Variants in HS3ST2 observed in about 807,000 individuals in gnomAD.
The protein encoded by HS3ST2 is heparan sulfate-glucosamine 3-sulfotransferase 2.
Under a neutral mutation model 26.3 loss-of-function variants are expected in HS3ST2, and 17 were observed. That is an observed-to-expected ratio of 0.65 (90% CI 0.44 to 0.97). The LOEUF (loss-of-function observed/expected upper bound fraction) is 0.97. HS3ST2 is among the 50% of genes least tolerant of loss of function. The probability of loss-of-function intolerance (pLI) is 0.00; values close to 1 mark genes in which losing one functional copy is unlikely to be tolerated. For synonymous variants in HS3ST2, 237 were observed against 219.2 expected, an observed-to-expected ratio of 1.08 and a Z score of -0.72; for missense variants, 402 against 501.2, an observed-to-expected ratio of 0.80 and a Z score of 1.89.
intron 1 of HS3ST2, among the ~76,000 whole-genome samples, chr16:22,892,029 C>T (rs1036238843): frequency 1.2e-4 from 18 of 150,618 alleles, no homozygotes; most frequent in African/African-American, 4.4e-4. Context: ...AATCCCAGCA[C>T]TTTGGGAGGC....
chr16:22,820,173 C>T (rs777381248), intron 1 of HS3ST2, among the ~76,000 whole-genome samples: 2 of 152,166 alleles, frequency 1.3e-5, no homozygotes, highest in African/African-American at 2.4e-5. Context: ...CCATAAACCC[C>T]CCCCCATTTG....
At position 22,814,864 on chromosome 16, in the gene HS3ST2, C is replaced by A; in HGVS notation, c.254C>A (p.Ala85Asp). ...PSGPTPSEPS[A>D]PSAPAAAVPA... Reference sequence around the variant, plus strand: ...GGGCCGACGCCCAGCGAGCCCAGCGCTCCCAGCGCGCCCGCCGCCGCCGTG... The same window carrying A: ...GGGCCGACGCCCAGCGAGCCCAGCGATCCCAGCGCGCCCGCCGCCGCCGTG... Residue 85 changes from alanine to aspartate, a missense_variant, in exon 1 of 2, where the codon GCT (alanine) becomes GAT (aspartate). Physicochemically the swap from Ala to Asp is moderately radical, Grantham distance 126. Transcript: ENST00000261374. The A allele has an allele frequency of 6.4e-7, 1 of 1,560,064 alleles. No homozygotes were observed. The highest frequency in any genetic ancestry group is 1.4e-5 in the African/African-American group (1 of 73,538).
chr16:22,853,304 G>A (rs938759854), intron 1 of HS3ST2, among the ~76,000 whole-genome samples: 3 of 152,188 alleles, frequency 2.0e-5, no homozygotes, highest in African/African-American at 7.2e-5. Flanking sequence ...CATCTTACAA[G>A]ATATGCACAT....
chr16:22,886,122 C>T (rs1279155527), intron 1 of HS3ST2, among the ~76,000 whole-genome samples: 1 of 152,170 alleles, frequency 6.6e-6, no homozygotes, highest in Non-Finnish European at 1.5e-5. Context: ...CCTCTCCAAG[C>T]AGCTACGGAT....
At chr16:22,842,346 G>A (rs1186144834) in intron 1 of HS3ST2, among the ~76,000 whole-genome samples, 1 of 151,672 alleles carries the variant, frequency 6.6e-6, no homozygotes, top group African/African-American at 2.4e-5. Flanking sequence ...TGCAGGTGTG[G>A]GCCACTGTGT....
At chr16:22,882,915 C>T (rs1902009632) in intron 1 of HS3ST2, among the ~76,000 whole-genome samples, 1 of 151,002 alleles carries the variant, frequency 6.6e-6, no homozygotes, top group South Asian at 2.1e-4. Context: ...CCTATAGTCC[C>T]AGCTACTTGA....
At chr16:22,869,493 C>T (rs1901802138) in intron 1 of HS3ST2, among the ~76,000 whole-genome samples, 3 of 152,224 alleles carry the variant, frequency 2.0e-5, no homozygotes, top group African/African-American at 4.8e-5. Flanking sequence ...AATTTACAAA[C>T]GAAAGAGGTT....
intron 1 of HS3ST2, among the ~76,000 whole-genome samples, chr16:22,872,613 C>T (rs1242519545): frequency 6.6e-6 from 1 of 152,094 alleles, no homozygotes; most frequent in African/African-American, 2.4e-5. Flanking sequence ...CCCCACCAGC[C>T]CCACCCAGCC....
chr16:22,820,532 A>G (rs958127330), intron 1 of HS3ST2, among the ~76,000 whole-genome samples: 1 of 152,270 alleles, frequency 6.6e-6, no homozygotes. Flanking sequence ...CATGTTTTAC[A>G]TGGCAGCAGG....
intron 1 of HS3ST2, among the ~76,000 whole-genome samples, chr16:22,871,229 G>A (rs1452385170): frequency 5.3e-5 from 8 of 152,062 alleles, no homozygotes; most frequent in African/African-American, 1.4e-4. Context: ...GATGGTGCAC[G>A]CCTGCAGTCC....
At chr16:22,869,744 T>C (rs1901806742) in intron 1 of HS3ST2, among the ~76,000 whole-genome samples, 1 of 152,182 alleles carries the variant, frequency 6.6e-6, no homozygotes, top group Non-Finnish European at 1.5e-5. Context: ...CATGTGGGAA[T>C]TGTGGGAGTT....
At chr16:22,851,966 C>T (rs1383636548) in intron 1 of HS3ST2, among the ~76,000 whole-genome samples, 1 of 152,184 alleles carries the variant, frequency 6.6e-6, no homozygotes, top group African/African-American at 2.4e-5. Context: ...ATGAGAGACA[C>T]GTGGAGCAGG....
At chr16:22,855,844 C>A (rs1901586648) in intron 1 of HS3ST2, among the ~76,000 whole-genome samples, 1 of 152,104 alleles carries the variant, frequency 6.6e-6, no homozygotes. Context: ...TTTCTCCCAG[C>A]ATTCCCAGAA....
intron 1 of HS3ST2, among the ~76,000 whole-genome samples, chr16:22,842,070 T>TC: frequency 6.8e-6 from 1 of 147,386 alleles, no homozygotes; most frequent in East Asian, 1.9e-4. Flanking sequence ...TTCTTTTTTT[T>TC]TTTTTTTTTT....
At chr16:22,894,635 C>T (rs187367838) in intron 1 of HS3ST2, among the ~76,000 whole-genome samples, 128 of 152,070 alleles carry the variant, frequency 8.4e-4, no homozygotes, top group African/African-American at 2.9e-3. Flanking sequence ...CAGTGACTCA[C>T]GCCTGCAATC....
At chr16:22,909,513 G>A (rs1902394865) in intron 1 of HS3ST2, among the ~76,000 whole-genome samples, 1 of 152,162 alleles carries the variant, frequency 6.6e-6, no homozygotes, top group Non-Finnish European at 1.5e-5. Flanking sequence ...CACAGGGCAT[G>A]GGAAGGTATA....
chr16:22,876,973 T>TG (rs1567494459), intron 1 of HS3ST2, among the ~76,000 whole-genome samples: 1 of 151,966 alleles, frequency 6.6e-6, no homozygotes, highest in Non-Finnish European at 1.5e-5. Context: ...TTTGGGAACT[T>TG]GGGGGGAAGG....
intron 1 of HS3ST2, among the ~76,000 whole-genome samples, chr16:22,824,413 G>A (rs934884748): frequency 6.6e-6 from 1 of 152,152 alleles, no homozygotes; most frequent in Non-Finnish European, 1.5e-5. Flanking sequence ...CGGGCGTGGT[G>A]GCAGGCACCT....
chr16:22,908,234 A>G (rs1270197110), intron 1 of HS3ST2, among the ~76,000 whole-genome samples: 4 of 152,214 alleles, frequency 2.6e-5, no homozygotes, highest in African/African-American at 9.6e-5. Flanking sequence ...GAGGGCTTCA[A>G]TGAGTAAATG....
Sources: gnomAD v4.1 joint callset for allele counts (sites outside exome capture counted in the v4.1 genomes callset) on GRCh38, gnomAD v4.1.1 for gene constraint, MANE v1.5 for transcripts, NCBI Gene and HGNC (gene_info 2026-07-23, HGNC 2026-07-21) for gene names.